Variants in RPS6KB1 observed in about 807,000 individuals in gnomAD.
RPS6KB1 encodes the protein ribosomal protein S6 kinase B1.
In RPS6KB1, 12 loss-of-function variants were observed where a neutral mutation model predicts 70.2. The ratio of observed to expected loss-of-function variants is 0.17; its 90% CI spans 0.11 to 0.28. The LOEUF (loss-of-function observed/expected upper bound fraction) is 0.28, where lower values mean the gene tolerates loss of function less well. Among genes scored for constraint, RPS6KB1 ranks in the 10% least tolerant of loss-of-function variants. RPS6KB1 has a pLI of 1.00. For synonymous variants in RPS6KB1, 175 were observed against 211.2 expected (o/e 0.83, Z 1.49); for missense variants, 270 against 646.6 (o/e 0.42, Z 6.32).
rs1222820840 is a variant in RPS6KB1, at chr17:59,910,546, T to C, written c.142-16T>C. 4.5e-6 allele frequency: 7 copies of C among 1,539,106 alleles called. No homozygotes were observed. The highest frequency in any genetic ancestry group is 1.8e-5 in the Admixed American group (1 of 56,332). On this transcript the variant is annotated splice_polypyrimidine_tract_variant and intron_variant, in intron 1 of 14. Coordinates refer to ENST00000225577, the MANE Select transcript of RPS6KB1 (RefSeq NM_003161.4). ...GTTTATTAGATTATTTCTGAAACTT[T>C]TAACATATTTTTCAGGGTCAGTTAA...
At chr17:59,909,715 A>T (rs946513704) in intron 1 of RPS6KB1, among the ~76,000 whole-genome samples, 1 of 151,760 alleles carries the variant, frequency 6.6e-6, no homozygotes, top group Non-Finnish European at 1.5e-5. Context: ...CATCTCTACT[A>T]AAAATGCAAA....
chr17:59,927,745 G>A (rs1249870943), intron 5 of RPS6KB1, among the ~76,000 whole-genome samples: 1 of 151,646 alleles, frequency 6.6e-6, no homozygotes, highest in Non-Finnish European at 1.5e-5. Flanking sequence ...GACCTCAGGT[G>A]ATCTGCCCAC....
chr17:59,908,730 T>C (rs1197317294), intron 1 of RPS6KB1, among the ~76,000 whole-genome samples: 2 of 141,768 alleles, frequency 1.4e-5, no homozygotes, highest in African/African-American at 2.7e-5. Flanking sequence ...GCCATTCTCC[T>C]GCCTCAGCCT....
rs565830518 is a variant in RPS6KB1, at chr17:59,929,989, C to T, written c.530-128C>T. The T allele has an allele frequency of 1.1e-4, 64 of 608,104 alleles. 1 individual carries two copies. The East Asian group carries it at 2.0e-3, about 19-fold the overall frequency. 37.7% of individuals were successfully genotyped at this position (608,104 alleles called of 1,614,324 possible). On this transcript the variant is annotated intron_variant, in intron 5 of 14. Transcript: ENST00000225577. Reference sequence around the variant, plus strand: ...TTTTAAAACCTATAATTTTTAGGATCTGTTTTTCATTTTTAAGGGGCTGAT... The same window carrying T: ...TTTTAAAACCTATAATTTTTAGGATTTGTTTTTCATTTTTAAGGGGCTGAT...
At chr17:59,907,816 C>T (rs1205945100) in intron 1 of RPS6KB1, among the ~76,000 whole-genome samples, 15 of 152,000 alleles carry the variant, frequency 9.9e-5, no homozygotes, top group Non-Finnish European at 4.4e-5. Context: ...TGCCACTGTA[C>T]GTGCCATAAA....
intron 5 of RPS6KB1, 66 bp from the exon 6 acceptor site, chr17:59,930,047 ACTCT>A (rs1206267880): frequency 1.2e-6 from 1 of 826,314 alleles, no homozygotes; most frequent in Admixed American, 1.8e-5. Context: ...GAAAGCACAA[ACTCT>A]CTCATTAGAA....
rs1461735575 is a variant in RPS6KB1, at chr17:59,948,016, A to G, written c.*1228A>G. Reference sequence around the variant, plus strand: ...ACTTGGGCTACATTTTTTGATTGTAAAAATATTTGATGGCCTTTTGATGAA... The same window carrying G: ...ACTTGGGCTACATTTTTTGATTGTAGAAATATTTGATGGCCTTTTGATGAA... On this transcript the variant is annotated 3_prime_UTR_variant, in exon 15 of 15. Coordinates refer to ENST00000225577, the MANE Select transcript of RPS6KB1 (RefSeq NM_003161.4). The G allele has an allele frequency of 6.2e-6, 1 of 160,338 alleles. No homozygotes were observed. Among genetic ancestry groups the G allele is most frequent in the Non-Finnish European group, 1.4e-5 (1 of 73,280 alleles). 9.9% of individuals were successfully genotyped at this position (160,338 alleles called of 1,614,324 possible). A position where few individuals can be genotyped will look rare whatever the true frequency, so the allele number is the denominator to read the frequency against.
chr17:59,946,004 C>G lies in RPS6KB1; in HGVS notation c.1340+486C>G, dbSNP rs1188181380. Among the ~76,000 whole-genome samples, 1 of 152,190 alleles carries G rather than the reference C, an allele frequency of 6.6e-6. No individual in the cohort carries two copies. Among genetic ancestry groups the G allele is most frequent in the Non-Finnish European group, 1.5e-5 (1 of 68,038 alleles). ...CAGAGGAAAAACAAGGGGGCTTCTA[C>G]TCACAGTGATCAGAGAAAGGCCTCC... On this transcript the variant is annotated intron_variant, in intron 14 of 14. Transcript: ENST00000225577. This position sits in a 1 kb window ranked among gnomAD's most constrained non-coding sequence, Gnocchi z 4.2.
chr17:59,895,218 C>A (rs2041464441), intron 1 of RPS6KB1, among the ~76,000 whole-genome samples: 2 of 150,978 alleles, frequency 1.3e-5, no homozygotes, highest in Admixed American at 6.6e-5. Context: ...GATGGAGTTT[C>A]ACTGTGTTAG....
At chr17:59,918,908 T>A (rs1181745293) in intron 4 of RPS6KB1, among the ~76,000 whole-genome samples, 1 of 148,114 alleles carries the variant, frequency 6.8e-6, no homozygotes, top group Non-Finnish European at 1.5e-5. Flanking sequence ...CTCGGCTCAC[T>A]GCAATTTCCA....
chr17:59,904,305 T>A (rs2144718729), intron 1 of RPS6KB1, among the ~76,000 whole-genome samples: 1 of 150,040 alleles, frequency 6.7e-6, no homozygotes, highest in Non-Finnish European at 1.5e-5. Context: ...GGTCTCGAAC[T>A]CCTGACCTCA....
rs1486065543 is a variant in RPS6KB1, at chr17:59,893,924, GGTTT to G, written c.141+609_141+612del. 4 of 980,698 alleles carry G rather than the reference GGTTT, an allele frequency of 4.1e-6. No individual in the cohort carries two copies. Among genetic ancestry groups the G allele is most frequent in the Admixed American group, 6.5e-5 (1 of 15,376 alleles). The allele number at this position is 980,698 out of a possible 1,614,324, so 60.7% of individuals were successfully genotyped here. ...TCTGCTGCATCTTCCAATCTTCCAGGGTTTGTTTGTTTGCTTTTTTTTTTTTACC... is the reference window on the plus strand; with the variant it reads ...TCTGCTGCATCTTCCAATCTTCCAGGGTTTGTTTGCTTTTTTTTTTTTACC... On this transcript the variant is annotated intron_variant, in intron 1 of 14. Coordinates refer to ENST00000225577, the MANE Select transcript of RPS6KB1 (RefSeq NM_003161.4). This position sits in a 1 kb window ranked among gnomAD's most constrained non-coding sequence, Gnocchi z 4.1.
At position 59,934,347 on chromosome 17, in the gene RPS6KB1, A is replaced by G. The variant is rs2044115130; in HGVS notation, c.779+87A>G. 6.9e-7 allele frequency: 1 copy of G among 1,457,004 alleles called. No homozygotes were observed. Among genetic ancestry groups the G allele is most frequent in the Non-Finnish European group, 9.6e-7 (1 of 1,037,900 alleles). The allele number at this position is 1,457,004 out of a possible 1,614,324, so 90.3% of individuals were successfully genotyped here. On this transcript the variant is annotated intron_variant, in intron 8 of 14. Coordinates refer to ENST00000225577, the MANE Select transcript of RPS6KB1 (RefSeq NM_003161.4). This position sits in a 1 kb window ranked among gnomAD's most constrained non-coding sequence, Gnocchi z 4.8. Reference sequence around the variant, plus strand: ...AATAGTATCTGTTTTCTGTACCCTCATTGACTCTGTATATTGTTTTTAAAA... The same window carrying G: ...AATAGTATCTGTTTTCTGTACCCTCGTTGACTCTGTATATTGTTTTTAAAA...
At chr17:59,936,569 G>T (rs200931382) in intron 12 of RPS6KB1, 28 bp downstream of exon 12, 7 of 1,569,956 alleles carry the variant, frequency 4.5e-6, no homozygotes, top group Non-Finnish European at 6.1e-6. Flanking sequence ...TGTATAATTG[G>T]GTGCAGTGGC....
chr17:59,927,449 A>G (rs1372639389), intron 5 of RPS6KB1, among the ~76,000 whole-genome samples: 2 of 152,110 alleles, frequency 1.3e-5, no homozygotes, highest in Admixed American at 1.3e-4. Context: ...AACGTGTAAC[A>G]TGGAACAGAA....
In RPS6KB1 at chr17:59,935,242, A is replaced by G. The variant is rs752780303; in HGVS notation, c.920A>G (p.Lys307Arg). 7 of 1,613,080 alleles carry G rather than the reference A, an allele frequency of 4.3e-6. No individual in the cohort carries two copies. The highest frequency in any genetic ancestry group is 1.3e-5 in the African/African-American group (1 of 74,896). ...AAGAAAACAATTGACAAAATCCTCA[A>G]ATGTAAACTCAATTTGCCTCCCTAC... The part of the protein sequence containing the change: ...NRKKTIDKIL[K>R]CKLNLPPYLT... Residue 307 changes from lysine (K) to arginine (R), a missense_variant, in exon 10 of 15, where the codon AAA becomes AGA. Coordinates refer to ENST00000225577, the MANE Select transcript of RPS6KB1 (RefSeq NM_003161.4).
In RPS6KB1 at chr17:59,893,137, G is replaced by T; in HGVS notation, c.-48G>T. ...GGCGCAGACGCACTGAGCCTAAGCA[G>T]CCGGTGATGGCGGCAGCGGCTGTGG... is the stretch of plus-strand genomic sequence containing the variant. On this transcript the variant is annotated 5_prime_UTR_variant, in exon 1 of 15. Coordinates refer to ENST00000225577, the MANE Select transcript of RPS6KB1 (RefSeq NM_003161.4). The surrounding 1 kb of genome is among the most constrained non-coding windows in gnomAD (Gnocchi z 4.1). 2 of 1,593,584 alleles carry T rather than the reference G, an allele frequency of 1.3e-6. No homozygotes were observed. The highest frequency in any genetic ancestry group is 1.1e-5 in the South Asian group (1 of 88,010).
chr17:59,926,322 G>A, intron 4 of RPS6KB1, 113 bp from the exon 5 acceptor site: 1 of 773,260 alleles, frequency 1.3e-6, no homozygotes, highest in South Asian at 2.1e-5. Flanking sequence ...TGGGAACTAT[G>A]GTTAATAGTT....
chr17:59,914,356 G>C (rs2144809706), intron 3 of RPS6KB1, among the ~76,000 whole-genome samples: 1 of 152,264 alleles, frequency 6.6e-6, no homozygotes, highest in African/African-American at 2.4e-5. Context: ...ATGCCTCTGG[G>C]AACACTGTTT....
Sources: allele counts gnomAD v4.1 joint callset (sites outside exome capture counted in the v4.1 genomes callset), GRCh38; gene constraint gnomAD v4.1.1; non-coding constraint Gnocchi (gnomAD v3.1); transcripts MANE v1.5; gene names NCBI Gene and HGNC (gene_info 2026-07-23, HGNC 2026-07-21).